Variants in PLCB2 observed in about 807,000 individuals in gnomAD.
The protein encoded by PLCB2 is 1-phosphatidylinositol 4,5-bisphosphate phosphodiesterase beta-2.
Under a neutral mutation model 141.7 loss-of-function variants are expected in PLCB2, and 115 were observed. That is an observed-to-expected ratio of 0.81 (90% CI 0.70 to 0.95). PLCB2 has a LOEUF of 0.95. Ranked by LOEUF, PLCB2 falls within the 40% of genes least tolerant of loss-of-function variation. The pLI, the probability that PLCB2 is intolerant of heterozygous loss-of-function variation, is 0.00. For synonymous variants in PLCB2, 603 were observed against 595.6 expected, an observed-to-expected ratio of 1.01 and a Z score of -0.18; for missense variants, 1,403 against 1,541.1, an observed-to-expected ratio of 0.91 and a Z score of 1.50.
intron 30 of PLCB2, 148 bp from the exon 31 acceptor site, chr15:40,289,506 G>GCTATC (rs1369466690): frequency 3.1e-6 from 2 of 650,478 alleles, no homozygotes; most frequent in Admixed American, 4.9e-5. Context: ...GATAAGGATA[G>GCTATC]CAGCACCTGT....
intron 3 of PLCB2, 144 bp from the exon 4 acceptor site, chr15:40,302,753 A>T: frequency 1.2e-6 from 1 of 865,216 alleles, no homozygotes; most frequent in Non-Finnish European, 1.8e-6. Context: ...AGGCCTTAGC[A>T]TCTTCCTGTC....
intron 18 of PLCB2, among the ~76,000 whole-genome samples, chr15:40,294,733 T>C (rs1019409138): frequency 6.6e-6 from 1 of 152,146 alleles, no homozygotes; most frequent in East Asian, 1.9e-4. Context: ...CAGCCTGGCA[T>C]CTTTACATCC....
downstream of PLCB2, chr15:40,286,150 A>C: frequency 1.7e-6 from 1 of 583,126 alleles, no homozygotes; most frequent in Non-Finnish European, 2.2e-6. Context: ...CAACAGCCGG[A>C]ATTAGAAGCT....
Position 40,297,036 on chromosome 15 carries a change from T to A in PLCB2, c.1324-128A>T. 1.2e-6 allele frequency: 1 copy of A among 844,710 alleles called. No individual in the cohort carries two copies. The highest frequency in any genetic ancestry group is 1.6e-5 in the South Asian group (1 of 64,146). 52.3% of individuals were successfully genotyped at this position (844,710 alleles called of 1,614,324 possible). On this transcript the variant is annotated intron_variant, in intron 13 of 31. Coordinates refer to ENST00000260402, the MANE Select transcript of PLCB2 (RefSeq NM_004573.3). This position sits in a 1 kb window ranked among gnomAD's most constrained non-coding sequence, Gnocchi z 4.2. The stretch of plus-strand genomic sequence containing the variant: ...ACCTGCCTCTCACTACTGCTTATCA[T>A]CCCCATTCTCACTGAGATAAATCCA...
rs2141115081 is a variant in PLCB2, at chr15:40,297,851, G to A, written c.1238+26C>T. On this transcript the variant is annotated intron_variant, in intron 12 of 31. Transcript: ENST00000260402. The surrounding 1 kb of genome is among the most constrained non-coding windows in gnomAD (Gnocchi z 4.2). ...AGGAGACTGGGGGCTGGGTGAGAAT[G>A]TGGCTGAATGGGCCTGGATACGCAC... 1 of 1,574,898 alleles carries A rather than the reference G, an allele frequency of 6.3e-7. No individual in the cohort carries two copies. Among genetic ancestry groups the A allele is most frequent in the Non-Finnish European group, 8.7e-7 (1 of 1,144,794 alleles).
In PLCB2 at chr15:40,297,553, T is replaced by C. The variant is rs2040286783; in HGVS notation, c.1291A>G (p.Met431Val). The C allele has an allele frequency of 1.2e-6, 2 of 1,614,038 alleles. No homozygotes were observed. The highest frequency in any genetic ancestry group is 1.3e-5 in the African/African-American group (1 of 74,936). The change falls in exon 13 of 32, where the codon ATG (methionine) becomes GTG (valine). Residue 431 changes from methionine to valine, a missense_variant. Met to Val is a conservative substitution (Grantham distance 21). Transcript: ENST00000260402. This position sits in a 1 kb window ranked among gnomAD's most constrained non-coding sequence, Gnocchi z 4.2. ...TTTTCCAGGGGCTCTGTGAGCAGCA[T>C]ATCCCCAAAGATCGTCCGGCAATAC... ...AEYCRTIFGD[M>V]LLTEPLEKFP...
chr15:40,284,284 TTC>T (rs2039578270), downstream of PLCB2: 1 of 338,236 alleles, frequency 3.0e-6, no homozygotes, highest in East Asian at 8.5e-5. Flanking sequence ...ACTGAGACTT[TTC>T]ATGAGCCGCA....
chr15:40,303,926 T>G (rs758447562), intron 2 of PLCB2, 75 bp downstream of exon 2: 229 of 1,043,532 alleles, frequency 2.2e-4, no homozygotes, highest in Non-Finnish European at 3.0e-4. Context: ...GCCTCCACCT[T>G]GGTGCAGCCA....
chr15:40,297,594 T>G lies in PLCB2; in HGVS notation c.1250A>C (p.Gln417Pro). Reference sequence around the variant, plus strand: ...CCGGCAATACTCAGCCATCTTAGCCTGCTGGCGGGGTCTGCGGGGAGCAAA... The same window carrying G: ...CCGGCAATACTCAGCCATCTTAGCCGGCTGGCGGGGTCTGCGGGGAGCAAA... ...FENHVDSPRQ[Q>P]AKMAEYCRTI... Residue 417 changes from glutamine to proline, a missense_variant, in exon 13 of 32, where the codon CAG becomes CCG. Physicochemically the swap from Gln to Pro is moderately conservative, Grantham distance 76. This residue lies in a region of PLCB2 where 975 missense variants were observed against 1,141.1 expected (regional missense o/e 0.85). Transcript: ENST00000260402. This position sits in a 1 kb window ranked among gnomAD's most constrained non-coding sequence, Gnocchi z 4.2. The G allele has an allele frequency of 6.2e-7, 1 of 1,613,968 alleles. No individual in the cohort carries two copies. Among genetic ancestry groups the G allele is most frequent in the East Asian group, 2.2e-5 (1 of 44,882 alleles).
intron 11 of PLCB2, 128 bp downstream of exon 11, chr15:40,298,095 G>T: frequency 8.3e-7 from 1 of 1,201,912 alleles, no homozygotes; most frequent in Non-Finnish European, 1.2e-6. Context: ...ATCCCTGCTG[G>T]TCCCCAATGG....
chr15:40,305,072 G>A lies in PLCB2; in HGVS notation c.85-994C>T, dbSNP rs1457414304. ...GCCAATTTTAAGAAAGCTGTGTTGG[G>A]AGCTCCATTCCCTTACCTCCCCAAG... On this transcript the variant is annotated intron_variant, in intron 1 of 31. Coordinates refer to ENST00000260402, the MANE Select transcript of PLCB2 (RefSeq NM_004573.3). 2.0e-5 allele frequency among the ~76,000 whole-genome samples: 3 copies of A among 152,104 alleles called. No individual in the cohort carries two copies. In the East Asian group the frequency reaches 5.8e-4, roughly 29 times the overall value.
chr15:40,298,686 C>G lies in PLCB2; in HGVS notation c.873G>C (p.Met291Ile), dbSNP rs2040358042. ...TCTCTGGCCCACAGAGAAACCAGAC[C>G]ATGCCTTCAGGTGACAGCTGGCCTG... ...AQRGQLSPEG[M>I]VWFLCGPENS... is the part of the protein sequence containing the mutation. Residue 291 changes from methionine (M) to isoleucine (I), a missense_variant, in exon 10 of 32, where the codon ATG (methionine) becomes ATC (isoleucine). Met to Ile is a conservative substitution (Grantham distance 10, BLOSUM62 1). Around this residue, in one of 4 missense-constraint regions of PLCB2, gnomAD observed 975 missense variants for 1,141.1 expected, o/e 0.85. Transcript: ENST00000260402. 6.2e-7 allele frequency: 1 copy of G among 1,614,038 alleles called. No individual in the cohort carries two copies. The highest frequency in any genetic ancestry group is 8.5e-7 in the Non-Finnish European group (1 of 1,180,028).
Position 40,294,409 on chromosome 15 carries a change from G to A in PLCB2, c.1918C>T (p.Gln640Ter). The change falls in exon 19 of 32, where the codon CAG becomes TAG. Residue 640 changes from glutamine to a stop codon, truncating the protein, a stop_gained. Coordinates refer to ENST00000260402, the MANE Select transcript of PLCB2 (RefSeq NM_004573.3). LOFTEE classifies it high-confidence loss of function. The stretch of plus-strand genomic sequence containing the variant: ...AACTCAAATACTGCCATGTTCTGCT[G>A]CATGGGCAAGTCTGGAGGGACAAGG... The part of the protein sequence containing the change: ...LNFQTMDLPM[Q>*]QNMAVFEFNG... 1 of 1,614,160 alleles carries A rather than the reference G, an allele frequency of 6.2e-7. No individual in the cohort carries two copies. Among genetic ancestry groups the A allele is most frequent in the Non-Finnish European group, 8.5e-7 (1 of 1,180,028 alleles).
At chr15:40,293,467 G>C (rs2040039023) in intron 20 of PLCB2, 93 bp downstream of exon 20, 2 of 1,243,162 alleles carry the variant, frequency 1.6e-6, no homozygotes, top group African/African-American at 3.0e-5. Flanking sequence ...GGAGGAGGAG[G>C]AAGGTCAAGG....
rs74392758 is a variant in PLCB2, at chr15:40,301,538, C to T, written c.582+419G>A. The T allele has an allele frequency of 4.5e-4, 317 of 702,982 alleles. 2 individuals are homozygous for T. The East Asian group carries it at 7.8e-3, about 17-fold the overall frequency. The allele number at this position is 702,982 out of a possible 1,614,324, so 43.5% of individuals were successfully genotyped here. The stretch of plus-strand genomic sequence containing the variant: ...CGCCTTTGGTTCAGTTCCTCTCCCT[C>T]GACACGCTGCAGACTTCCAGATCCC... On this transcript the variant is annotated intron_variant, in intron 7 of 31. Transcript: ENST00000260402.
In PLCB2 at chr15:40,296,849, C is replaced by T. The variant is rs750054293; in HGVS notation, c.1383G>A (p.Lys461=). Reference sequence around the variant, plus strand: ...GGCCAGAAAACTGGTTCTTCTTGTTCTTGATGAGGATCTTGCCCCTGAGAT... The same window carrying T: ...GGCCAGAAAACTGGTTCTTCTTGTTTTTGATGAGGATCTTGCCCCTGAGAT... ...PEDLRGKILI[K]NKKNQFSGPT... Residue 461 remains lysine (K), a synonymous_variant, in exon 14 of 32, where the codon AAG becomes AAA. Coordinates refer to ENST00000260402, the MANE Select transcript of PLCB2 (RefSeq NM_004573.3). 1 of 1,614,130 alleles carries T rather than the reference C, an allele frequency of 6.2e-7. No homozygotes were observed.
rs199754432 is a variant in PLCB2, at chr15:40,298,899, C to G, written c.749G>C (p.Arg250Pro). The G allele has an allele frequency of 1.2e-4, 195 of 1,610,988 alleles. No individual in the cohort carries two copies. The highest frequency in any genetic ancestry group is 7.5e-4 in the Admixed American group (45 of 60,026). Reference sequence around the variant, plus strand: ...CAGCAGGGAGTTAAGCCGGGAGTCCCGCTGTTTCTGGTTGATGAATTTGGT... The same window carrying G: ...CAGCAGGGAGTTAAGCCGGGAGTCCGGCTGTTTCTGGTTGATGAATTTGGT... ...HLTKFINQKQ[R>P]DSRLNSLLFP... Residue 250 changes from arginine to proline, a missense_variant, in exon 9 of 32, where the codon CGG (arginine) becomes CCG (proline). This residue lies in a region of PLCB2 where 975 missense variants were observed against 1,141.1 expected (regional missense o/e 0.85). Transcript: ENST00000260402.
chr15:40,284,366 TAAG>T, downstream of PLCB2: 1 of 362,866 alleles, frequency 2.8e-6, no homozygotes. Flanking sequence ...TTCCACCTCT[TAAG>T]AAGACAACAC....
chr15:40,304,558 C>A lies in PLCB2; in HGVS notation c.85-480G>T, dbSNP rs999765452. On this transcript the variant is annotated intron_variant, in intron 1 of 31. Transcript: ENST00000260402. ...CTTCCCACCTCCAAACCTAAGTGCC[C>A]AAATCTCCTCTGCTTGAAATAACTT... Among the ~76,000 whole-genome samples the A allele has an allele frequency of 7.9e-5, 12 of 152,230 alleles. 1 individual carries two copies. The South Asian group carries it at 2.5e-3, about 32-fold the overall frequency.
Sources: gnomAD v4.1 joint callset for allele counts (sites outside exome capture counted in the v4.1 genomes callset) on GRCh38, gnomAD v4.1.1 for gene constraint, gnomAD v4.1.1 regional missense constraint, Gnocchi (gnomAD v3.1) non-coding constraint, MANE v1.5 for transcripts, NCBI Gene and HGNC (gene_info 2026-07-23, HGNC 2026-07-21) for gene names.